The following SEMA5B variants were observed in gnomAD, a reference collection of about 807,000 sequenced individuals.
The protein encoded by SEMA5B is semaphorin 5B, also known as semaphorin-5B.
SEMA5B carries 66 observed loss-of-function variants against 135.0 expected under a neutral mutation model. The observed-to-expected ratio is 0.49, with a 90% CI of 0.40 to 0.60. The LOEUF (loss-of-function observed/expected upper bound fraction) is 0.60, where lower values mean the gene tolerates loss of function less well. SEMA5B is among the 20% of genes least tolerant of loss of function. SEMA5B has a pLI of 0.00. For missense variants in SEMA5B, 1,501 were observed against 1,566.3 expected, an observed-to-expected ratio of 0.96 and a Z score of 0.70; for synonymous variants, 690 against 639.5, an observed-to-expected ratio of 1.08 and a Z score of -1.19.
intron 2 of SEMA5B, among the ~76,000 whole-genome samples, chr3:122,950,165 A>T (rs1939980324): frequency 6.6e-6 from 1 of 152,254 alleles, no homozygotes; most frequent in African/African-American, 2.4e-5. Flanking sequence ...GGCTTAAAAT[A>T]TGAATGACAC....
chr3:122,917,138 C>T (rs1296087005), intron 12 of SEMA5B, among the ~76,000 whole-genome samples: 1 of 152,210 alleles, frequency 6.6e-6, no homozygotes, highest in Non-Finnish European at 1.5e-5. Context: ...GTCCCTCCAA[C>T]ATTCAGCCCA....
intron 1 of SEMA5B, among the ~76,000 whole-genome samples, chr3:123,025,536 C>A (rs1317129108): frequency 6.6e-6 from 1 of 152,172 alleles, no homozygotes; most frequent in African/African-American, 2.4e-5. Flanking sequence ...ATTATGGTCG[C>A]TACTGTTGGC....
intron 12 of SEMA5B, among the ~76,000 whole-genome samples, chr3:122,920,572 G>C (rs1032364693): frequency 6.6e-6 from 1 of 152,170 alleles, no homozygotes; most frequent in African/African-American, 2.4e-5. Context: ...GGCACTTTAT[G>C]AATACTAGTC....
chr3:122,980,537 C>T (rs1941490151), intron 1 of SEMA5B, among the ~76,000 whole-genome samples: 1 of 151,710 alleles, frequency 6.6e-6, no homozygotes, highest in South Asian at 2.1e-4. Flanking sequence ...GACTGATGGT[C>T]AGCTTCCCTG....
chr3:123,011,733 G>A (rs1942442121), intron 1 of SEMA5B, among the ~76,000 whole-genome samples: 1 of 152,162 alleles, frequency 6.6e-6, no homozygotes, highest in Non-Finnish European at 1.5e-5. Context: ...ACAAGAGAGG[G>A]ACAGCCTGGG....
intron 5 of SEMA5B, among the ~76,000 whole-genome samples, chr3:122,933,354 T>C (rs1939080817): frequency 6.6e-6 from 1 of 152,216 alleles, no homozygotes; most frequent in Admixed American, 6.5e-5. Context: ...AAATTCTAGG[T>C]TGAAAATAAT....
chr3:122,985,538 T>C (rs1450941461), intron 1 of SEMA5B, among the ~76,000 whole-genome samples: 1 of 151,760 alleles, frequency 6.6e-6, no homozygotes, highest in Non-Finnish European at 1.5e-5. Flanking sequence ...AGAAAAATGT[T>C]GTCCCCAGCA....
Position 122,926,409 on chromosome 3 carries a change from T to C in SEMA5B, c.1119A>G (p.Gly373=), listed in dbSNP as rs1938634464. 2.5e-6 allele frequency: 4 copies of C among 1,612,712 alleles called. No individual in the cohort carries two copies. The highest frequency in any genetic ancestry group is 3.4e-6 in the Non-Finnish European group (4 of 1,179,000). ...GGACTCACACGTTGGTTGTGAAAAC[T>C]CCATAGATGAGGTCCTGCTCCGGCA... ...FHLPEQDLIY[G]VFTTNVNSIA... Residue 373 remains glycine (G), a synonymous_variant, in exon 9 of 23, where the codon GGA becomes GGG. Coordinates refer to ENST00000357599, the MANE Select transcript of SEMA5B (RefSeq NM_001031702.4).
At chr3:123,007,754 G>A (rs1314900663) in intron 1 of SEMA5B, among the ~76,000 whole-genome samples, 1 of 152,148 alleles carries the variant, frequency 6.6e-6, no homozygotes, top group Non-Finnish European at 1.5e-5. Flanking sequence ...CCTTGACCTT[G>A]GACATCTTAG....
intron 6 of SEMA5B, among the ~76,000 whole-genome samples, 159 bp from the exon 7 acceptor site, chr3:122,928,774 G>A (rs540193268): frequency 7.9e-5 from 12 of 152,274 alleles, no homozygotes; most frequent in Non-Finnish European, 1.2e-4. Context: ...GTCTGTGGAC[G>A]TCCCCTCCCA....
intron 1 of SEMA5B, among the ~76,000 whole-genome samples, chr3:122,970,732 A>T (rs567351830): frequency 2.6e-4 from 40 of 152,314 alleles, no homozygotes; most frequent in African/African-American, 9.1e-4. Flanking sequence ...ACTGCTGAGG[A>T]TCTAAGGCAC....
intron 5 of SEMA5B, among the ~76,000 whole-genome samples, chr3:122,932,111 C>CT (rs1939003213): frequency 6.6e-6 from 1 of 152,100 alleles, no homozygotes; most frequent in Admixed American, 6.6e-5. Context: ...TAAGGTTTCC[C>CT]TTTTTTGAAC....
intron 1 of SEMA5B, among the ~76,000 whole-genome samples, chr3:123,014,172 T>G (rs1171715218): frequency 6.6e-6 from 1 of 152,150 alleles, no homozygotes; most frequent in East Asian, 1.9e-4. Context: ...CTGGGAGGCC[T>G]CCAGTGGGCC....
At chr3:122,914,120 A>G in intron 14 of SEMA5B, 119 bp from the exon 15 acceptor site, 1 of 1,132,378 alleles carries the variant, frequency 8.8e-7, no homozygotes, top group East Asian at 2.7e-5. Context: ...ACAGTGACAT[A>G]GAAATATCTT....
At chr3:122,929,958 A>G (rs1460571913) in intron 5 of SEMA5B, among the ~76,000 whole-genome samples, 1 of 152,302 alleles carries the variant, frequency 6.6e-6, no homozygotes, top group East Asian at 1.9e-4. Flanking sequence ...ACGTCCAGGC[A>G]ATGTCAACAG....
chr3:122,935,159 G>A (rs1436214417), intron 5 of SEMA5B, among the ~76,000 whole-genome samples: 1 of 152,220 alleles, frequency 6.6e-6, no homozygotes, highest in African/African-American at 2.4e-5. Context: ...AACTCCATGG[G>A]AGGTCTCATA....
chr3:122,948,593 G>C lies in SEMA5B; in HGVS notation c.241C>G (p.Leu81Val), dbSNP rs375867662. Reference sequence around the variant, plus strand: ...CTGGAGACATCCTGGGAGCTGGAGAGGTGGGACACCAGCAGTGTGAGGCTG... The same window carrying C: ...CTGGAGACATCCTGGGAGCTGGAGACGTGGGACACCAGCAGTGTGAGGCTG... ...LPSLTLLVSH[L>V]SSSQDVSSEP... is the part of the protein sequence containing the mutation. Residue 81 changes from leucine (L) to valine (V), a missense_variant, in exon 3 of 23, where the codon CTC becomes GTC. Physicochemically the swap from Leu to Val is conservative, Grantham distance 32 (BLOSUM62 1). Around this residue, in one of 2 missense-constraint regions of SEMA5B, gnomAD observed 574 missense variants for 684.7 expected, o/e 0.84. Transcript: ENST00000357599. The C allele has an allele frequency of 3.7e-6, 6 of 1,613,934 alleles. No homozygotes were observed. The African/African-American group carries it at 8.0e-5, about 22-fold the overall frequency.
chr3:123,015,889 C>T (rs1010529966), intron 1 of SEMA5B, among the ~76,000 whole-genome samples: 3 of 152,134 alleles, frequency 2.0e-5, no homozygotes, highest in African/African-American at 7.2e-5. Flanking sequence ...GAGATTCTTA[C>T]CTATTTAAAG....
chr3:122,979,201 C>T (rs937637182), intron 1 of SEMA5B, among the ~76,000 whole-genome samples: 9 of 152,186 alleles, frequency 5.9e-5, no homozygotes, highest in African/African-American at 2.2e-4. Flanking sequence ...CACCTTCGCT[C>T]TCAGGACAAG....
Sources: allele counts gnomAD v4.1 joint callset (sites outside exome capture counted in the v4.1 genomes callset), GRCh38; gene constraint gnomAD v4.1.1; regional missense constraint gnomAD v4.1.1; transcripts MANE v1.5; gene names NCBI Gene and HGNC (gene_info 2026-07-23, HGNC 2026-07-21).